Variants in FAM219A observed in about 807,000 individuals in gnomAD.
FAM219A encodes family with sequence similarity 219 member A.
A neutral mutation model predicts 23.4 loss-of-function variants in FAM219A; 7 were observed. The observed-to-expected ratio is 0.30, with a 90% CI of 0.17 to 0.56. FAM219A has a LOEUF of 0.56. FAM219A is among the 20% of genes least tolerant of loss of function. FAM219A has a pLI of 0.92. For synonymous variants in FAM219A, 93 were observed against 99.0 expected, an observed-to-expected ratio of 0.94 and a Z score of 0.36; for missense variants, 166 against 246.9, an observed-to-expected ratio of 0.67 and a Z score of 2.20.
intron 1 of FAM219A, among the ~76,000 whole-genome samples, chr9:34,453,464 A>T (rs1823628300): frequency 6.6e-6 from 1 of 152,108 alleles, no homozygotes; most frequent in Non-Finnish European, 1.5e-5. Context: ...TTCTCATGAC[A>T]CTTCATTGAT....
chr9:34,407,552 CA>C (rs1375598450), intron 1 of FAM219A, among the ~76,000 whole-genome samples: 3 of 152,096 alleles, frequency 2.0e-5, no homozygotes, highest in Non-Finnish European at 4.4e-5. Flanking sequence ...GTGATGGAGT[CA>C]ATAACCTTTC....
intron 1 of FAM219A, among the ~76,000 whole-genome samples, chr9:34,409,314 T>C (rs1047322161): frequency 6.6e-6 from 1 of 152,176 alleles, no homozygotes; most frequent in Non-Finnish European, 1.5e-5. Flanking sequence ...ACCACAACCA[T>C]TGCATGGCAA....
chr9:34,443,488 C>G (rs1823259506), intron 1 of FAM219A, among the ~76,000 whole-genome samples: 2 of 152,230 alleles, frequency 1.3e-5, no homozygotes, highest in Admixed American at 6.5e-5. Context: ...TCTCCTCACT[C>G]TCTCCCACAA....
At chr9:34,424,808 T>C (rs940269026) in intron 1 of FAM219A, among the ~76,000 whole-genome samples, 1 of 152,148 alleles carries the variant, frequency 6.6e-6, no homozygotes, top group Non-Finnish European at 1.5e-5. Context: ...AATCATGCTT[T>C]CTCACCTTTT....
At chr9:34,434,898 T>C (rs1338128384) in intron 1 of FAM219A, among the ~76,000 whole-genome samples, 11 of 152,122 alleles carry the variant, frequency 7.2e-5, no homozygotes, top group African/African-American at 2.7e-4. Context: ...CAGTTCACTG[T>C]AACCTCCACC....
intron 2 of FAM219A, among the ~76,000 whole-genome samples, chr9:34,404,107 T>A (rs1472237721): frequency 1.3e-5 from 2 of 152,208 alleles, no homozygotes; most frequent in Non-Finnish European, 2.9e-5. Context: ...AAAAGCATGC[T>A]GAAATTGTTT....
chr9:34,430,636 C>CA (rs757627612), intron 1 of FAM219A, among the ~76,000 whole-genome samples: 12,851 of 56,016 alleles, frequency 0.23, 1,742 homozygotes, highest in African/African-American at 0.32. Context: ...GACTCCGTCT[C>CA]AAAAAAAAAA....
chr9:34,421,005 TGTGTGAGA>T (rs1822254855), intron 1 of FAM219A, among the ~76,000 whole-genome samples: 1 of 41,458 alleles, frequency 2.4e-5, no homozygotes. Flanking sequence ...TGTGTGTGTG[TGTGTGAGA>T]GAGAGAGAGA....
chr9:34,445,821 A>T (rs1823349759), intron 1 of FAM219A, among the ~76,000 whole-genome samples: 1 of 152,172 alleles, frequency 6.6e-6, no homozygotes, highest in African/African-American at 2.4e-5. Context: ...TGATTTTCCT[A>T]ATCTGCTTAA....
chr9:34,440,470 G>T (rs1296530858), intron 1 of FAM219A, among the ~76,000 whole-genome samples: 1 of 152,088 alleles, frequency 6.6e-6, no homozygotes, highest in Non-Finnish European at 1.5e-5. Context: ...AATAGGGGTG[G>T]AGATACTGGG....
intron 1 of FAM219A, among the ~76,000 whole-genome samples, chr9:34,441,760 C>T (rs569278484): frequency 4.6e-5 from 7 of 152,102 alleles, no homozygotes; most frequent in African/African-American, 1.2e-4. Flanking sequence ...GACAGGGTCT[C>T]GCTCTGTTAC....
Position 34,439,785 on chromosome 9 carries a change from G to A in FAM219A, c.60+18419C>T, listed in dbSNP as rs78870328. ...GGGGTAATGTGATATGAGATAAGCT[G>A]AAGAGGAAGGCAGGAGCCAGATCAC... is the stretch of plus-strand genomic sequence containing the variant. On this transcript the variant is annotated intron_variant, in intron 1 of 5. Coordinates refer to ENST00000651358, the MANE Select transcript of FAM219A (RefSeq NM_001184940.2). Among the ~76,000 whole-genome samples the A allele has an allele frequency of 3.8e-4, 58 of 152,296 alleles. No individual in the cohort carries two copies. The East Asian group carries it at 0.011, about 29-fold the overall frequency.
At chr9:34,410,550 T>A (rs1821786634) in intron 1 of FAM219A, among the ~76,000 whole-genome samples, 1 of 152,192 alleles carries the variant, frequency 6.6e-6, no homozygotes, top group Non-Finnish European at 1.5e-5. Context: ...TCCTAATGTA[T>A]GTCTTCAGAT....
rs1183200410 is a variant in FAM219A, at chr9:34,398,494, A to C, written c.*2470T>G. ...AGCCACACCCCTCCCTAGACACAGA[A>C]GCTGCCACTGCCAGCTTCCTGCCTC... On this transcript the variant is annotated 3_prime_UTR_variant, in exon 6 of 6. Coordinates refer to ENST00000651358, the MANE Select transcript of FAM219A (RefSeq NM_001184940.2). The C allele has an allele frequency of 2.1e-6, 2 of 967,246 alleles. No homozygotes were observed. The highest frequency in any genetic ancestry group is 5.3e-5 in the East Asian group (2 of 38,038). The allele number at this position is 967,246 out of a possible 1,614,324, so 59.9% of individuals were successfully genotyped here.
chr9:34,444,105 A>G (rs1823283397), intron 1 of FAM219A, among the ~76,000 whole-genome samples: 1 of 152,190 alleles, frequency 6.6e-6, no homozygotes, highest in Non-Finnish European at 1.5e-5. Context: ...TGGATGCAGC[A>G]TGTCAGCTGA....
chr9:34,403,048 T>C (rs1025948861), intron 2 of FAM219A, among the ~76,000 whole-genome samples: 3 of 152,016 alleles, frequency 2.0e-5, no homozygotes, highest in African/African-American at 7.3e-5. Context: ...GAACCACAAC[T>C]CCCATGTTAG....
intron 1 of FAM219A, among the ~76,000 whole-genome samples, chr9:34,445,693 T>C (rs190810425): frequency 2.0e-5 from 3 of 152,290 alleles, no homozygotes; most frequent in East Asian, 1.9e-4. Flanking sequence ...AAGAACTTAA[T>C]TGGGTTCCAA....
chr9:34,456,212 T>C (rs573145633), intron 1 of FAM219A, among the ~76,000 whole-genome samples: 1 of 152,122 alleles, frequency 6.6e-6, no homozygotes, highest in South Asian at 2.1e-4. Context: ...GAAAAAAAAG[T>C]ATTCTCTTGC....
rs56144317 is a variant in FAM219A at position 34,434,201 on chromosome 9, C to CAA, written c.60+24001_60+24002dup. ...TGGGCAACAGAGCTAGACTCCGTCT[C>CAA]AAAAAAAAAAAAAAAAAAAAAAAAA... is the stretch of plus-strand genomic sequence containing the variant. On this transcript the variant is annotated intron_variant, in intron 1 of 5. Coordinates refer to ENST00000651358, the MANE Select transcript of FAM219A (RefSeq NM_001184940.2). Among the ~76,000 whole-genome samples, 323 of 44,936 alleles carry CAA rather than the reference C, an allele frequency of 7.2e-3. 15 individuals are homozygous for CAA. The highest frequency in any genetic ancestry group is 0.025 in the African/African-American group (280 of 11,214). 29.5% of individuals were successfully genotyped at this position (44,936 alleles called of 152,430 possible).
Sources: gnomAD v4.1 joint callset for allele counts (sites outside exome capture counted in the v4.1 genomes callset) on GRCh38, gnomAD v4.1.1 for gene constraint, MANE v1.5 for transcripts, NCBI Gene and HGNC (gene_info 2026-07-23, HGNC 2026-07-21) for gene names.